The following PXDNL variants were observed in gnomAD, a reference collection of about 807,000 sequenced individuals.
PXDNL encodes probable oxidoreductase PXDNL.
PXDNL carries 145 observed loss-of-function variants against 150.8 expected under a neutral mutation model. The observed-to-expected ratio is 0.96, with a 90% confidence interval of 0.84 to 1.10. The LOEUF is 1.10. Among genes scored for constraint, PXDNL ranks in the 50% least tolerant of loss-of-function variants. The probability of loss-of-function intolerance (pLI) is 0.00; values close to 1 mark genes in which losing one functional copy is unlikely to be tolerated. For synonymous variants in PXDNL, 757 were observed against 725.7 expected (o/e 1.04, Z -0.69); for missense variants, 2,087 against 1,873.9 (o/e 1.11, Z -2.10).
intron 14 of PXDNL, among the ~76,000 whole-genome samples, chr8:51,416,282 A>T (rs1258137703): frequency 6.6e-6 from 1 of 152,242 alleles, no homozygotes; most frequent in African/African-American, 2.4e-5. Context: ...TGAGATGCCA[A>T]AACTTAAAAG....
chr8:51,576,207 A>AAG (rs1563470330), intron 3 of PXDNL, among the ~76,000 whole-genome samples: 3 of 150,924 alleles, frequency 2.0e-5, no homozygotes, highest in Non-Finnish European at 4.4e-5. Context: ...CCAAAAAAAA[A>AAG]AAAAAAACAA....
intron 1 of PXDNL, among the ~76,000 whole-genome samples, chr8:51,700,386 C>T (rs974879132): frequency 6.6e-6 from 1 of 151,292 alleles, no homozygotes; most frequent in African/African-American, 2.4e-5. Flanking sequence ...TAGACACATA[C>T]ACACAGAGAT....
chr8:51,389,267 G>C (rs1486843666), intron 17 of PXDNL, among the ~76,000 whole-genome samples: 1 of 152,136 alleles, frequency 6.6e-6, no homozygotes, highest in Admixed American at 6.5e-5. Flanking sequence ...TGTTTTTCAT[G>C]TTAATTTATC....
chr8:51,521,616 T>C (rs185829785), intron 4 of PXDNL, among the ~76,000 whole-genome samples: 48 of 152,036 alleles, frequency 3.2e-4, no homozygotes, highest in African/African-American at 1.1e-3. Flanking sequence ...AAATAAAAGT[T>C]TCCAAAATTC....
At chr8:51,531,118 G>T (rs774396782) in intron 4 of PXDNL, among the ~76,000 whole-genome samples, 5 of 152,184 alleles carry the variant, frequency 3.3e-5, no homozygotes, top group Non-Finnish European at 7.3e-5. Flanking sequence ...CAGGAAGAGG[G>T]CAGCTAAAAC....
At chr8:51,583,194 T>C (rs1016599609) in intron 3 of PXDNL, among the ~76,000 whole-genome samples, 12 of 152,172 alleles carry the variant, frequency 7.9e-5, no homozygotes, top group Non-Finnish European at 1.5e-4. Flanking sequence ...CTGGGTAATT[T>C]ATAAAGAAGA....
At chr8:51,365,707 T>C (rs1267002822) in intron 19 of PXDNL, among the ~76,000 whole-genome samples, 4 of 152,200 alleles carry the variant, frequency 2.6e-5, no homozygotes, top group South Asian at 2.1e-4. Flanking sequence ...GTGAGTGATA[T>C]GCTGAGACAG....
intron 1 of PXDNL, among the ~76,000 whole-genome samples, chr8:51,798,934 T>A (rs2037590201): frequency 6.6e-6 from 1 of 152,184 alleles, no homozygotes; most frequent in African/African-American, 2.4e-5. Context: ...ATCATTCTAT[T>A]ATAAAGATAC....
At chr8:51,664,015 C>CACTT in intron 1 of PXDNL, among the ~76,000 whole-genome samples, 1 of 144,910 alleles carries the variant, frequency 6.9e-6, no homozygotes, top group South Asian at 2.2e-4. Context: ...TGCACCACTG[C>CACTT]ACTTCAGCTT....
chr8:51,351,854 A>G (rs961943466), intron 19 of PXDNL, among the ~76,000 whole-genome samples: 6 of 152,156 alleles, frequency 3.9e-5, no homozygotes, highest in African/African-American at 1.2e-4. Context: ...AATAAAAATC[A>G]GAAAAATGTT....
intron 4 of PXDNL, among the ~76,000 whole-genome samples, chr8:51,501,231 A>G (rs1811169329): frequency 2.0e-5 from 3 of 152,198 alleles, no homozygotes; most frequent in Non-Finnish European, 4.4e-5. Flanking sequence ...CCTTTGGGTT[A>G]GCATGAAACA....
rs1322474788 is a variant in PXDNL, at chr8:51,426,653, CAAGT to C, written c.1627_1630del (p.Thr543GlyfsTer22). On this transcript the variant is annotated frameshift_variant, in exon 13 of 23. Coordinates refer to ENST00000356297, the MANE Select transcript of PXDNL (RefSeq NM_144651.5). LOFTEE classifies it high-confidence loss of function. Reference sequence around the variant, plus strand: ...TTTTAGTTGAGATCTTACCTTATTCCAAGTAATTATGGGCTGTGGTTCTCCTTGA... The same window carrying C: ...TTTTAGTTGAGATCTTACCTTATTCCAATTATGGGCTGTGGTTCTCCTTGA... The C allele has an allele frequency of 6.4e-7, 1 of 1,572,738 alleles. No individual in the cohort carries two copies. Among genetic ancestry groups the C allele is most frequent in the African/African-American group, 1.3e-5 (1 of 74,172 alleles).
chr8:51,457,887 T>G (rs1809971159), intron 8 of PXDNL, among the ~76,000 whole-genome samples: 1 of 152,164 alleles, frequency 6.6e-6, no homozygotes, highest in Admixed American at 6.5e-5. Flanking sequence ...CAACATTTGA[T>G]AGAGGGAAAT....
intron 9 of PXDNL, among the ~76,000 whole-genome samples, chr8:51,455,114 T>TAAAAAAAAAAAAA (rs1563419720): frequency 2.1e-3 from 1 of 474 alleles, no homozygotes; most frequent in Non-Finnish European, 9.4e-3. Flanking sequence ...AGACTCCGTC[T>TAAAAAAAAAAAAA]CAAAAAAAAA....
chr8:51,622,696 A>G (rs1814282256), intron 2 of PXDNL, among the ~76,000 whole-genome samples: 1 of 152,234 alleles, frequency 6.6e-6, no homozygotes, highest in South Asian at 2.1e-4. Flanking sequence ...GCTCCTACCA[A>G]GTGATCAATA....
intron 6 of PXDNL, among the ~76,000 whole-genome samples, chr8:51,477,184 C>T (rs1293846214): frequency 6.6e-6 from 1 of 152,078 alleles, no homozygotes; most frequent in Non-Finnish European, 1.5e-5. Context: ...TTTGTAGATA[C>T]CCAATTCATA....
At chr8:51,570,872 A>G (rs1016969836) in intron 3 of PXDNL, among the ~76,000 whole-genome samples, 5 of 151,904 alleles carry the variant, frequency 3.3e-5, no homozygotes, top group African/African-American at 1.2e-4. Flanking sequence ...TATTGTAACT[A>G]AAACAGATGA....
At chr8:51,688,684 C>T (rs919744362) in intron 1 of PXDNL, among the ~76,000 whole-genome samples, 2 of 152,126 alleles carry the variant, frequency 1.3e-5, no homozygotes, top group Non-Finnish European at 2.9e-5. Flanking sequence ...CATGGTGCCA[C>T]AACCATATCT....
At chr8:51,729,746 T>A (rs1218245095) in intron 1 of PXDNL, among the ~76,000 whole-genome samples, 1 of 152,184 alleles carries the variant, frequency 6.6e-6, no homozygotes, top group Non-Finnish European at 1.5e-5. Context: ...GCAAATAAGA[T>A]GTCTTTCATC....
Sources: gnomAD v4.1 joint callset for allele counts (sites outside exome capture counted in the v4.1 genomes callset) on GRCh38, gnomAD v4.1.1 for gene constraint, MANE v1.5 for transcripts, NCBI Gene and HGNC (gene_info 2026-07-23, HGNC 2026-07-21) for gene names.